The following SLC25A31 variants were observed in gnomAD, a reference collection of about 807,000 sequenced individuals.
The protein encoded by SLC25A31 is solute carrier family 25 member 31.
A neutral mutation model predicts 36.2 loss-of-function variants in SLC25A31; 40 were observed. That is an observed-to-expected ratio of 1.10 (90% CI 0.86 to 1.44). The LOEUF (loss-of-function observed/expected upper bound fraction) is 1.44, where lower values mean the gene tolerates loss of function less well. SLC25A31 is among the 40% of genes most tolerant of loss of function. The pLI is 0.00. For missense variants in SLC25A31, 350 were observed against 397.1 expected, an observed-to-expected ratio of 0.88 and a Z score of 1.01; for synonymous variants, 143 against 149.7, an observed-to-expected ratio of 0.96 and a Z score of 0.32.
At chr4:127,743,983 C>T (rs79828304) in intron 1 of SLC25A31, among the ~76,000 whole-genome samples, 2,170 of 152,264 alleles carry the variant, frequency 0.014, 56 homozygotes, top group African/African-American at 0.05. Context: ...CAGAGCTAGC[C>T]TGCCATGCTC....
At chr4:127,737,893 CTCAGCAATATAA>C (rs1180740184) in intron 1 of SLC25A31, among the ~76,000 whole-genome samples, 1 of 152,018 alleles carries the variant, frequency 6.6e-6, no homozygotes, top group Non-Finnish European at 1.5e-5. Context: ...TTTTTATATA[CTCAGCAATATAA>C]TCATAATTAC....
At chr4:127,731,254 C>T (rs1033428763) in intron 1 of SLC25A31, among the ~76,000 whole-genome samples, 4 of 151,984 alleles carry the variant, frequency 2.6e-5, no homozygotes, top group African/African-American at 4.8e-5. Context: ...AAGAGAAGTA[C>T]AAATATGGGA....
chr4:127,737,796 C>A (rs1731660692), intron 1 of SLC25A31, among the ~76,000 whole-genome samples: 1 of 151,796 alleles, frequency 6.6e-6, no homozygotes, highest in African/African-American at 2.4e-5. Context: ...TGGCCTCAAG[C>A]AGTCATCCAT....
At chr4:127,771,636 T>A (rs907590009) in intron 5 of SLC25A31, among the ~76,000 whole-genome samples, 2 of 152,220 alleles carry the variant, frequency 1.3e-5, no homozygotes, top group African/African-American at 4.8e-5. Flanking sequence ...GACCCCGGAT[T>A]CAGTGTTATA....
At chr4:127,731,907 G>A (rs1002948715) in intron 1 of SLC25A31, among the ~76,000 whole-genome samples, 1 of 151,878 alleles carries the variant, frequency 6.6e-6, no homozygotes, top group Non-Finnish European at 1.5e-5. Context: ...AAATAAAGAT[G>A]GGATCAGTAT....
intron 1 of SLC25A31, among the ~76,000 whole-genome samples, chr4:127,735,892 A>ATTTTTTT (rs869204653): frequency 2.6e-5 from 1 of 38,684 alleles, no homozygotes; most frequent in Non-Finnish European, 5.2e-5. Context: ...TTATTTATTT[A>ATTTTTTT]TTTATTTTTT....
intron 2 of SLC25A31, among the ~76,000 whole-genome samples, chr4:127,755,534 G>GA (rs1732013503): frequency 6.6e-6 from 1 of 152,236 alleles, no homozygotes; most frequent in East Asian, 1.9e-4. Flanking sequence ...ACAGGTACAT[G>GA]AAAAAATGCT....
At chr4:127,758,707 G>C (rs1303798494) in intron 2 of SLC25A31, among the ~76,000 whole-genome samples, 1 of 152,140 alleles carries the variant, frequency 6.6e-6, no homozygotes, top group African/African-American at 2.4e-5. Context: ...ATTTTCCCCA[G>C]CACTATTTGT....
chr4:127,731,065 A>G (rs1159906000), intron 1 of SLC25A31, among the ~76,000 whole-genome samples: 1 of 152,230 alleles, frequency 6.6e-6, no homozygotes, highest in Non-Finnish European at 1.5e-5. Context: ...TGCCAGGTCC[A>G]GAAGGAGAGT....
intron 2 of SLC25A31, among the ~76,000 whole-genome samples, chr4:127,759,201 G>A (rs1216880299): frequency 1.3e-5 from 2 of 149,130 alleles, no homozygotes; most frequent in East Asian, 2.0e-4. Context: ...TTGGTGAAAT[G>A]TATTCCTATG....
At chr4:127,747,003 AT>A (rs1167654689) in intron 2 of SLC25A31, among the ~76,000 whole-genome samples, 1 of 152,086 alleles carries the variant, frequency 6.6e-6, no homozygotes, top group Non-Finnish European at 1.5e-5. Context: ...CTAGCCAGTT[AT>A]CCCACCACTA....
At chr4:127,749,088 AC>A (rs1560634596) in intron 2 of SLC25A31, among the ~76,000 whole-genome samples, 1 of 151,958 alleles carries the variant, frequency 6.6e-6, no homozygotes, top group African/African-American at 2.4e-5. Flanking sequence ...AAAAAAAAAA[AC>A]AGAACAAAAC....
intron 1 of SLC25A31, among the ~76,000 whole-genome samples, chr4:127,738,832 T>C (rs1274263550): frequency 6.6e-6 from 1 of 152,222 alleles, no homozygotes; most frequent in Non-Finnish European, 1.5e-5. Flanking sequence ...ATCTTCTTGT[T>C]GAATTGAACC....
intron 1 of SLC25A31, among the ~76,000 whole-genome samples, chr4:127,734,610 C>T (rs1472186761): frequency 6.8e-6 from 1 of 147,676 alleles, no homozygotes; most frequent in Non-Finnish European, 1.5e-5. Context: ...TTTTACAAGC[C>T]TATCCAAACT....
intron 2 of SLC25A31, among the ~76,000 whole-genome samples, chr4:127,750,393 C>T (rs557069732): frequency 1.3e-5 from 2 of 152,068 alleles, no homozygotes; most frequent in Admixed American, 6.6e-5. Context: ...ATTGGAAGTC[C>T]AAATACTCCT....
At chr4:127,731,954 T>C (rs961995318) in intron 1 of SLC25A31, among the ~76,000 whole-genome samples, 1 of 152,238 alleles carries the variant, frequency 6.6e-6, no homozygotes, top group Non-Finnish European at 1.5e-5. Context: ...ACTGTCCTTA[T>C]TTAAAATTTC....
chr4:127,744,751 G>A lies in SLC25A31; in HGVS notation c.312G>A (p.Lys104=). The change falls in exon 2 of 6, where the codon AAG becomes AAA. Residue 104 remains lysine, a synonymous_variant. Coordinates refer to ENST00000281154, the MANE Select transcript of SLC25A31 (RefSeq NM_031291.4). ...FPTQALNFAF[K]DKYKQLFMSG... is the part of the protein sequence containing the mutation. ...CACAAGCTCTAAACTTTGCTTTTAA[G>A]GACAAATACAAGCAGCTATTCATGT... 1 of 1,597,902 alleles carries A rather than the reference G, an allele frequency of 6.3e-7. No homozygotes were observed. Among genetic ancestry groups the A allele is most frequent in the Non-Finnish European group, 8.5e-7 (1 of 1,169,950 alleles).
At chr4:127,758,152 C>T (rs1045865827) in intron 2 of SLC25A31, among the ~76,000 whole-genome samples, 2 of 152,152 alleles carry the variant, frequency 1.3e-5, no homozygotes, top group Admixed American at 6.5e-5. Flanking sequence ...CCACCACCCC[C>T]GGGTCCTTCC....
chr4:127,771,814 G>T (rs886773701), intron 5 of SLC25A31, among the ~76,000 whole-genome samples: 6 of 152,102 alleles, frequency 3.9e-5, no homozygotes, highest in African/African-American at 1.4e-4. Flanking sequence ...ATTATGAATG[G>T]CAGTCATGTT....
Sources: allele counts gnomAD v4.1 joint callset (sites outside exome capture counted in the v4.1 genomes callset), GRCh38; gene constraint gnomAD v4.1.1; transcripts MANE v1.5; gene names NCBI Gene and HGNC (gene_info 2026-07-23, HGNC 2026-07-21).